Variants in ZNF469 observed in about 807,000 individuals in gnomAD.
ZNF469 encodes zinc finger protein 469.
ZNF469 carries 1 observed loss-of-function variant against 1.0 expected under a neutral mutation model. The observed-to-expected ratio is 1.00, with a 90% confidence interval of 0.35 to 4.73. The LOEUF (loss-of-function observed/expected upper bound fraction) is 4.73. Among genes scored for constraint, ZNF469 ranks in the 30% most tolerant of loss-of-function variants. The pLI, the probability that ZNF469 is intolerant of heterozygous loss-of-function variation, is 0.16. For missense variants in ZNF469, 6,100 were observed against 5,356.3 expected, an observed-to-expected ratio of 1.14 and a Z score of -4.33; for synonymous variants, 2,703 against 2,363.4, an observed-to-expected ratio of 1.14 and a Z score of -4.17.
At chr16:88,117,347 C>T in the ZNF469 span, among the ~76,000 whole-genome samples, 1 of 152,166 alleles carries the variant, frequency 6.6e-6, no homozygotes, top group African/African-American at 2.4e-5. Context: ...TCTGCAATTT[C>T]CTGTGCATCT....
At chr16:88,188,788 G>A in the ZNF469 span, among the ~76,000 whole-genome samples, 9 of 152,188 alleles carry the variant, frequency 5.9e-5, no homozygotes, top group Admixed American at 2.0e-4. Flanking sequence ...TCCACTGCAC[G>A]AGAATCTACA....
the ZNF469 span, among the ~76,000 whole-genome samples, chr16:88,201,358 C>T: frequency 2.0e-5 from 3 of 152,144 alleles, no homozygotes; most frequent in East Asian, 3.9e-4. The surrounding 1 kb of genome is among the most constrained non-coding windows in gnomAD (Gnocchi z 5.0). Flanking sequence ...AGTTCGAGAC[C>T]AGCCTGGCCA....
chr16:88,121,893 G>A, the ZNF469 span, among the ~76,000 whole-genome samples: 3 of 152,196 alleles, frequency 2.0e-5, no homozygotes, highest in Non-Finnish European at 2.9e-5. Flanking sequence ...GTGGTAACGC[G>A]TACAGAGATG....
chr16:88,401,940 GTGGGTGGATGGGAAGATGGA>G (rs1402719838), intron 1 of ZNF469, among the ~76,000 whole-genome samples: 2 of 19,116 alleles, frequency 1.0e-4, no homozygotes, highest in East Asian at 8.1e-4. Flanking sequence ...GGATAGATAC[GTGGGTGGATGGGAAGATGGA>G]TGGGTGGATG....
the ZNF469 span, among the ~76,000 whole-genome samples, chr16:88,228,198 C>G: frequency 6.6e-6 from 1 of 152,258 alleles, no homozygotes; most frequent in African/African-American, 2.4e-5. Context: ...GTTTGGCTCA[C>G]TGGGAGGGTG....
At chr16:88,350,571 C>T in the ZNF469 span, among the ~76,000 whole-genome samples, 14 of 152,374 alleles carry the variant, frequency 9.2e-5, no homozygotes, top group Middle Eastern at 3.4e-3. Flanking sequence ...CCAGCCTGGA[C>T]TCACGCTTAG....
the ZNF469 span, among the ~76,000 whole-genome samples, chr16:88,293,351 T>TGGATGGAG: frequency 6.6e-6 from 1 of 150,906 alleles, no homozygotes; most frequent in African/African-American, 2.4e-5. Context: ...GATGGATGGA[T>TGGATGGAG]GGTTAAATGA....
chr16:88,104,391 A>G, the ZNF469 span, among the ~76,000 whole-genome samples: 668 of 152,162 alleles, frequency 4.4e-3, 4 homozygotes, highest in African/African-American at 0.015. Flanking sequence ...TTTCATTACC[A>G]CAGACAGAAG....
At chr16:88,161,734 G>A in the ZNF469 span, among the ~76,000 whole-genome samples, 3 of 152,284 alleles carry the variant, frequency 2.0e-5, no homozygotes, top group African/African-American at 4.8e-5. Context: ...GCTAGCTCAA[G>A]GAAAGAAAAG....
chr16:88,132,051 C>T, the ZNF469 span, among the ~76,000 whole-genome samples: 18 of 152,224 alleles, frequency 1.2e-4, no homozygotes, highest in Non-Finnish European at 2.4e-4. Context: ...GCCTCTCCAT[C>T]GGCTTTGAAT....
chr16:88,112,177 G>A, the ZNF469 span, among the ~76,000 whole-genome samples: 28 of 151,002 alleles, frequency 1.9e-4, no homozygotes, highest in East Asian at 4.3e-3. Flanking sequence ...GTTGGCTAAC[G>A]CCTGAATCCC....
chr16:88,272,987 C>T, the ZNF469 span, among the ~76,000 whole-genome samples: 3 of 144,482 alleles, frequency 2.1e-5, no homozygotes, highest in African/African-American at 5.2e-5. Flanking sequence ...GATGGATGAA[C>T]GGGTGGGTGT....
the ZNF469 span, among the ~76,000 whole-genome samples, chr16:88,112,457 T>C: frequency 0.83 from 125,563 of 152,140 alleles, 52,734 homozygotes; most frequent in Non-Finnish European, 0.9. Flanking sequence ...GATTGTCTGT[T>C]TTTTGGATAA....
At chr16:88,401,932 ATAGATACG>A (rs1428507057) in intron 1 of ZNF469, among the ~76,000 whole-genome samples, 6 of 126,444 alleles carry the variant, frequency 4.7e-5, no homozygotes, top group South Asian at 2.6e-4. Context: ...GGATGGATGG[ATAGATACG>A]TGGGTGGATG....
At chr16:88,173,515 C>G in the ZNF469 span, among the ~76,000 whole-genome samples, 2 of 151,914 alleles carry the variant, frequency 1.3e-5, no homozygotes, top group African/African-American at 4.8e-5. Context: ...CTTCTTTCAG[C>G]AGAAGAAAAA....
chr16:88,187,290 A>C, the ZNF469 span, among the ~76,000 whole-genome samples: 4 of 152,250 alleles, frequency 2.6e-5, no homozygotes, highest in Non-Finnish European at 5.9e-5. Context: ...CGCAGAACCT[A>C]GCACGTGTGG....
chr16:88,344,988 C>A, the ZNF469 span, among the ~76,000 whole-genome samples: 2 of 152,186 alleles, frequency 1.3e-5, no homozygotes, highest in African/African-American at 4.8e-5. Flanking sequence ...CAGAAGTCGC[C>A]CTGACTTGGG....
At chr16:88,367,774 C>A in the ZNF469 span, among the ~76,000 whole-genome samples, 1 of 152,184 alleles carries the variant, frequency 6.6e-6, no homozygotes, top group African/African-American at 2.4e-5. Flanking sequence ...CCTGGGGTCC[C>A]GGGCTCATGG....
the ZNF469 span, among the ~76,000 whole-genome samples, chr16:88,183,119 A>G: frequency 2.0e-5 from 3 of 152,372 alleles, no homozygotes; most frequent in East Asian, 5.8e-4. Context: ...GATGTTTAAC[A>G]TCACTAGTCA....
Sources: gnomAD v4.1 joint callset for allele counts (sites outside exome capture counted in the v4.1 genomes callset) on GRCh38, gnomAD v4.1.1 for gene constraint, Gnocchi (gnomAD v3.1) non-coding constraint, MANE v1.5 for transcripts, NCBI Gene and HGNC (gene_info 2026-07-23, HGNC 2026-07-21) for gene names.